The following PYGO1 variants were observed in gnomAD, a reference collection of about 807,000 sequenced individuals.
PYGO1 encodes pygopus family PHD finger 1, also known as pygopus homolog 1.
A neutral mutation model predicts 29.5 loss-of-function variants in PYGO1; 6 were observed. The ratio of observed to expected loss-of-function variants is 0.20; its 90% CI spans 0.11 to 0.40. The LOEUF is 0.40. PYGO1 is among the 10% of genes least tolerant of loss of function. The probability of loss-of-function intolerance (pLI) is 1.00; values close to 1 mark genes in which losing one functional copy is unlikely to be tolerated. For synonymous variants in PYGO1, 186 were observed against 180.5 expected, an observed-to-expected ratio of 1.03 and a Z score of -0.24; for missense variants, 515 against 514.9, an observed-to-expected ratio of 1.00 and a Z score of 0.00.
In PYGO1 at chr15:55,587,973, C is replaced by T. The variant is rs886383670; in HGVS notation, c.-90G>A. On this transcript the variant is annotated 5_prime_UTR_variant, in exon 1 of 3. Transcript: ENST00000563719. ...GCGGCTCCTCCTCCTCGCGGGGCCG[C>T]TGCGGCTGCGAGGCAAGCCTCGGAG... is the stretch of plus-strand genomic sequence containing the variant. The T allele has an allele frequency of 1.7e-5, 24 of 1,421,802 alleles. No individual in the cohort carries two copies. Among genetic ancestry groups the T allele is most frequent in the Non-Finnish European group, 3.7e-6 (4 of 1,081,812 alleles). 88.1% of individuals were successfully genotyped at this position (1,421,802 alleles called of 1,614,324 possible).
chr15:55,588,072 C>A lies in PYGO1; in HGVS notation c.-189G>T, dbSNP rs1225146099. The A allele has an allele frequency of 5.8e-6, 6 of 1,030,054 alleles. No individual in the cohort carries two copies. The highest frequency in any genetic ancestry group is 4.7e-6 in the Non-Finnish European group (4 of 859,496). 63.8% of individuals were successfully genotyped at this position (1,030,054 alleles called of 1,614,324 possible). On this transcript the variant is annotated 5_prime_UTR_variant, in exon 1 of 3. Transcript: ENST00000563719. Reference sequence around the variant, plus strand: ...TTGGGAGGAGGACGAGGCCTCGGGGCGGCGGGGCGGCGGGGCGGCGTGCGG... The same window carrying A: ...TTGGGAGGAGGACGAGGCCTCGGGGAGGCGGGGCGGCGGGGCGGCGTGCGG...
chr15:55,581,271 A>T (rs1595995322), intron 1 of PYGO1, among the ~76,000 whole-genome samples: 1 of 152,214 alleles, frequency 6.6e-6, no homozygotes, highest in Non-Finnish European at 1.5e-5. Flanking sequence ...AAGGGATAGA[A>T]TATGCAAAGG....
Position 55,542,603 on chromosome 15 carries a change from G to C in PYGO1, c.*3420C>G, listed in dbSNP as rs1233483908. On this transcript the variant is annotated 3_prime_UTR_variant, in exon 3 of 3. Transcript: ENST00000563719. ...CACAAATTCTCTAGTGCATGAGCAA[G>C]TCAAGTTCTGAGAAAGGAACTGATG... 1 of 152,170 alleles carries C rather than the reference G, an allele frequency of 6.6e-6. No homozygotes were observed. The highest frequency in any genetic ancestry group is 1.5e-5 in the Non-Finnish European group (1 of 68,032). The allele number at this position is 152,170 out of a possible 1,614,324, so 9.4% of individuals were successfully genotyped here.
chr15:55,580,970 G>A (rs993892135), intron 1 of PYGO1, among the ~76,000 whole-genome samples: 2 of 152,182 alleles, frequency 1.3e-5, no homozygotes, highest in Admixed American at 1.3e-4. Context: ...TTGGATTTCA[G>A]AAACATTTGT....
intron 1 of PYGO1, among the ~76,000 whole-genome samples, chr15:55,568,320 CTGTGTGTGTGTGTGTGTG>C (rs58177433): frequency 8.7e-5 from 11 of 125,828 alleles, no homozygotes; most frequent in Non-Finnish European, 1.8e-4. Flanking sequence ...TTCCTAGGTA[CTGTGTGTGTGTGTGTGTG>C]TGTGTGTGTG....
intron 1 of PYGO1, among the ~76,000 whole-genome samples, chr15:55,571,807 G>A (rs1047870885): frequency 3.3e-5 from 5 of 151,966 alleles, no homozygotes; most frequent in African/African-American, 1.2e-4. Context: ...TCAATTTTTT[G>A]AGGAACCATC....
Position 55,546,324 on chromosome 15 carries a change from T to C in PYGO1, c.959A>G (p.Glu320Gly), listed in dbSNP as rs1162011584. Residue 320 changes from glutamate to glycine, a missense_variant, in exon 3 of 3, where the codon GAA becomes GGA. Transcript: ENST00000563719. The part of the protein sequence containing the change: ...PRGAADACTT[E>G]KSNKSSLHPN... ...GTGAAGAGAGGATTTATTGCTTTTT[T>C]CTGTGGTGCAGGCATCTGCTGCACC... The C allele has an allele frequency of 6.2e-7, 1 of 1,614,234 alleles. No individual in the cohort carries two copies. Among genetic ancestry groups the C allele is most frequent in the Non-Finnish European group, 8.5e-7 (1 of 1,180,034 alleles).
intron 1 of PYGO1, among the ~76,000 whole-genome samples, chr15:55,584,220 T>G (rs1457534321): frequency 6.7e-6 from 1 of 149,710 alleles, no homozygotes; most frequent in African/African-American, 2.5e-5. Context: ...TGGGCTCAGG[T>G]GATTCTCCCA....
intron 1 of PYGO1, among the ~76,000 whole-genome samples, chr15:55,562,628 G>A (rs111935551): frequency 0.38 from 57,287 of 151,348 alleles, 13,928 homozygotes; most frequent in Non-Finnish European, 0.55. Context: ...CTGAGATCAC[G>A]CCATTACACT....
chr15:55,554,681 G>A (rs914073622), intron 1 of PYGO1, among the ~76,000 whole-genome samples: 4 of 152,002 alleles, frequency 2.6e-5, no homozygotes, highest in African/African-American at 9.7e-5. Context: ...GAATATAGGT[G>A]ACATGATGGA....
At chr15:55,582,671 A>G (rs1351013002) in intron 1 of PYGO1, among the ~76,000 whole-genome samples, 1 of 152,210 alleles carries the variant, frequency 6.6e-6, no homozygotes, top group Non-Finnish European at 1.5e-5. Context: ...AACTCAACCC[A>G]GTTCCAAACC....
At chr15:55,575,301 C>T (rs2141672335) in intron 1 of PYGO1, among the ~76,000 whole-genome samples, 1 of 152,272 alleles carries the variant, frequency 6.6e-6, no homozygotes, top group South Asian at 2.1e-4. Flanking sequence ...AACAATCCCC[C>T]TCAGGTAATA....
chr15:55,588,579 G>C (rs1023259495), upstream of PYGO1, among the ~76,000 whole-genome samples: 5 of 140,014 alleles, frequency 3.6e-5, no homozygotes, highest in African/African-American at 1.2e-4. Context: ...GCCGGGGCTC[G>C]CGGGCCCGCG....
rs867612111 is a variant in PYGO1, at chr15:55,541,015, C to A, written c.*5008G>T. The A allele has an allele frequency of 1.3e-5, 2 of 152,124 alleles. No homozygotes were observed. The highest frequency in any genetic ancestry group is 2.4e-5 in the African/African-American group (1 of 41,430). The allele number at this position is 152,124 out of a possible 1,614,324, so 9.4% of individuals were successfully genotyped here. On this transcript the variant is annotated 3_prime_UTR_variant, in exon 3 of 3. Coordinates refer to ENST00000563719, the MANE Select transcript of PYGO1 (RefSeq NM_001367806.1). ...CAACATCATCTACACATCTACAGAA[C>A]AAGAAAGGTACAGGTATTTAGAATA...
In PYGO1 at chr15:55,581,403, T is replaced by A. The variant is rs1433440404; in HGVS notation, c.49+6432A>T. ...GTGTGAAGAATAGAGGACTAAGTGG[T>A]AGACCTGGGCCAAATAAAAAAGAGC... On this transcript the variant is annotated intron_variant, in intron 1 of 2. Coordinates refer to ENST00000563719, the MANE Select transcript of PYGO1 (RefSeq NM_001367806.1). 2.0e-5 allele frequency among the ~76,000 whole-genome samples: 3 copies of A among 152,258 alleles called. No individual in the cohort carries two copies. The East Asian group carries it at 5.8e-4, about 29-fold the overall frequency.
rs1550328 is a variant in PYGO1, at chr15:55,545,620, G to A, written c.*403C>T. ...ATATTATGTTGTGAAGACGTGTTAA[G>A]TGGATCCTTGATAAACTTTTTGAAC... On this transcript the variant is annotated 3_prime_UTR_variant, in exon 3 of 3. Coordinates refer to ENST00000563719, the MANE Select transcript of PYGO1 (RefSeq NM_001367806.1). 0.054 allele frequency: 8,441 copies of A among 156,752 alleles called. 356 individuals carry two copies. Among genetic ancestry groups the A allele is most frequent in the East Asian group, 0.11 (578 of 5,328 alleles). The allele number at this position is 156,752 out of a possible 1,614,324, so 9.7% of individuals were successfully genotyped here. A position where few individuals can be genotyped will look rare whatever the true frequency, so the allele number is the denominator to read the frequency against.
At position 55,540,203 on chromosome 15, in the gene PYGO1, A is replaced by G. The variant is rs2058823139; in HGVS notation, c.*5820T>C. 6.6e-6 allele frequency: 1 copy of G among 152,088 alleles called. No homozygotes were observed. The highest frequency in any genetic ancestry group is 6.6e-5 in the Admixed American group (1 of 15,266). The allele number at this position is 152,088 out of a possible 1,614,324, so 9.4% of individuals were successfully genotyped here. ...ATCCTTTCATTAGGTAGTACCAAGT[A>G]AACAGCATTCAAGTCCTTGAATCAA... On this transcript the variant is annotated 3_prime_UTR_variant, in exon 3 of 3. Coordinates refer to ENST00000563719, the MANE Select transcript of PYGO1 (RefSeq NM_001367806.1).
chr15:55,578,347 C>T (rs940162841), intron 1 of PYGO1, among the ~76,000 whole-genome samples: 3 of 151,832 alleles, frequency 2.0e-5, no homozygotes, highest in African/African-American at 7.3e-5. Context: ...TTTGTATAAG[C>T]ATGTTTTCAA....
chr15:55,545,889 A>C lies in PYGO1; in HGVS notation c.*134T>G. The C allele has an allele frequency of 2.0e-6, 2 of 1,024,520 alleles. No individual in the cohort carries two copies. The highest frequency in any genetic ancestry group is 2.8e-6 in the Non-Finnish European group (2 of 725,462). The allele number at this position is 1,024,520 out of a possible 1,614,324, so 63.5% of individuals were successfully genotyped here. On this transcript the variant is annotated 3_prime_UTR_variant, in exon 3 of 3. Coordinates refer to ENST00000563719, the MANE Select transcript of PYGO1 (RefSeq NM_001367806.1). ...AATAAAAAATTTGCTCTAGTGATGA[A>C]GTGATTAATAAAAACTAAGTAAATA... is the stretch of plus-strand genomic sequence containing the variant.
Sources: allele counts gnomAD v4.1 joint callset (sites outside exome capture counted in the v4.1 genomes callset), GRCh38; gene constraint gnomAD v4.1.1; transcripts MANE v1.5; gene names NCBI Gene and HGNC (gene_info 2026-07-23, HGNC 2026-07-21).